The following NPAS3 variants were observed in gnomAD, a reference collection of about 807,000 sequenced individuals.
NPAS3 encodes neuronal PAS domain-containing protein 3.
NPAS3 carries 14 observed loss-of-function variants against 73.1 expected under a neutral mutation model. The observed-to-expected ratio is 0.19, with a 90% CI of 0.13 to 0.30. The LOEUF (loss-of-function observed/expected upper bound fraction) is 0.30. Among genes scored for constraint, NPAS3 ranks in the 10% least tolerant of loss-of-function variants. The pLI, the probability that NPAS3 is intolerant of heterozygous loss-of-function variation, is 1.00. For missense variants in NPAS3, 1,096 were observed against 1,250.0 expected (o/e 0.88, Z 1.86); for synonymous variants, 620 against 541.5 (o/e 1.14, Z -2.01).
chr14:33,092,025 G>A (rs943774532), intron 2 of NPAS3, among the ~76,000 whole-genome samples: 5 of 152,146 alleles, frequency 3.3e-5, no homozygotes, highest in Non-Finnish European at 7.4e-5. Flanking sequence ...TACTGAATGG[G>A]CAACAACTGG....
chr14:33,548,302 G>A (rs559794269), intron 4 of NPAS3, among the ~76,000 whole-genome samples: 6 of 152,272 alleles, frequency 3.9e-5, no homozygotes, highest in East Asian at 3.9e-4. Flanking sequence ...CAAATGTAGT[G>A]AATGGTGGAA....
chr14:33,082,490 A>G (rs558571423), intron 2 of NPAS3, among the ~76,000 whole-genome samples: 3 of 152,202 alleles, frequency 2.0e-5, no homozygotes, highest in Non-Finnish European at 4.4e-5. Flanking sequence ...ATATTCTGCC[A>G]CTACCATTGT....
At position 33,784,751 on chromosome 14, in the gene NPAS3, T is replaced by TATTTATTTATTTTTA. The variant is rs199829124; in HGVS notation, c.1153+6179_1153+6180insATTTATTTATTTTTA. On this transcript the variant is annotated intron_variant, in intron 9 of 11. Coordinates refer to ENST00000356141, the Ensembl canonical transcript of NPAS3. ...TTTATTTATTTATTTATTTATTTTT[T>TATTTATTTATTTTTA]TTTTTTTTTTTTTTTTGAGACAGAG... is the stretch of plus-strand genomic sequence containing the variant. 5.9e-3 allele frequency among the ~76,000 whole-genome samples: 679 copies of TATTTATTTATTTTTA among 114,800 alleles called. 11 individuals carry two copies. Among genetic ancestry groups the TATTTATTTATTTTTA allele is most frequent in the Admixed American group, 0.031 (364 of 11,718 alleles). The allele number at this position is 114,800 out of a possible 152,430, so 75.3% of individuals were successfully genotyped here.
At chr14:33,517,682 G>A (rs373415953) in intron 4 of NPAS3, among the ~76,000 whole-genome samples, 11 of 152,012 alleles carry the variant, frequency 7.2e-5, no homozygotes, top group South Asian at 6.2e-4. Context: ...TTGTGCTTTC[G>A]TCATGCCCCG....
chr14:33,024,168 GTGTA>G (rs1435227871), intron 1 of NPAS3, among the ~76,000 whole-genome samples: 3 of 144,744 alleles, frequency 2.1e-5, no homozygotes, highest in Non-Finnish European at 3.0e-5. Flanking sequence ...GTGTGTGTGT[GTGTA>G]TGTATATTCC....
rs540627878 is a variant in NPAS3, at chr14:32,943,517, A to G, written c.50+4151A>G. 1.2e-4 allele frequency among the ~76,000 whole-genome samples: 18 copies of G among 152,154 alleles called. No homozygotes were observed. The East Asian group carries it at 2.9e-3, about 24-fold the overall frequency. ...AGATCCTGGTCTGGGATTCAGTGCT[A>G]TGTTACAATTGTGTCTGTTTGAAGT... On this transcript the variant is annotated intron_variant, in intron 1 of 11. Coordinates refer to ENST00000356141, the Ensembl canonical transcript of NPAS3.
intron 7 of NPAS3, among the ~76,000 whole-genome samples, chr14:33,743,501 A>G (rs182626063): frequency 6.6e-6 from 1 of 152,310 alleles, no homozygotes; most frequent in Non-Finnish European, 1.5e-5. Flanking sequence ...TTCTATTTCT[A>G]AAGCATAGAC....
chr14:33,147,963 T>G (rs975850799), intron 2 of NPAS3, among the ~76,000 whole-genome samples: 2 of 151,940 alleles, frequency 1.3e-5, no homozygotes, highest in African/African-American at 4.8e-5. Context: ...AATTCAAACT[T>G]GGGCCATGGT....
At chr14:33,263,150 T>C (rs1478975996) in intron 3 of NPAS3, among the ~76,000 whole-genome samples, 1 of 152,244 alleles carries the variant, frequency 6.6e-6, no homozygotes, top group Non-Finnish European at 1.5e-5. Context: ...AATTTTGGCT[T>C]TTGTTGCCAT....
chr14:33,235,198 AG>A (rs1172485664), intron 3 of NPAS3, among the ~76,000 whole-genome samples: 1 of 152,076 alleles, frequency 6.6e-6, no homozygotes, highest in Non-Finnish European at 1.5e-5. Context: ...GATGCCTTTA[AG>A]CTTTATTAAT....
chr14:33,077,571 G>T (rs4517701), intron 2 of NPAS3, among the ~76,000 whole-genome samples: 99,658 of 151,892 alleles, frequency 0.66, 34,035 homozygotes, highest in South Asian at 0.78. Context: ...AAATTGCACC[G>T]TATCAAGAAT....
At chr14:33,751,620 C>T (rs1306323625) in intron 7 of NPAS3, among the ~76,000 whole-genome samples, 2 of 152,158 alleles carry the variant, frequency 1.3e-5, no homozygotes, top group African/African-American at 4.8e-5. Flanking sequence ...ATAAGCAAAA[C>T]CTACATTTCA....
intron 1 of NPAS3, among the ~76,000 whole-genome samples, chr14:33,006,213 G>A (rs959136703): frequency 5.9e-5 from 9 of 152,138 alleles, no homozygotes; most frequent in African/African-American, 2.2e-4. Context: ...GGCACTAGAG[G>A]AGGCAAAGCT....
chr14:33,088,537 C>T (rs960115324), intron 2 of NPAS3, among the ~76,000 whole-genome samples: 4 of 152,202 alleles, frequency 2.6e-5, no homozygotes, highest in African/African-American at 9.6e-5. Context: ...ACAAAGCGGC[C>T]AGGAAACTCG....
intron 3 of NPAS3, among the ~76,000 whole-genome samples, chr14:33,225,630 G>T (rs1001257285): frequency 6.6e-6 from 1 of 152,154 alleles, no homozygotes; most frequent in African/African-American, 2.4e-5. Context: ...TGTGGACATT[G>T]AAATCAAATT....
chr14:33,731,030 C>T (rs768498539), intron 6 of NPAS3, among the ~76,000 whole-genome samples: 2 of 152,156 alleles, frequency 1.3e-5, no homozygotes, highest in South Asian at 4.1e-4. Flanking sequence ...TGAGGAGTAA[C>T]ATTTCTCAAA....
At chr14:33,391,499 A>G (rs934913665) in intron 4 of NPAS3, among the ~76,000 whole-genome samples, 1 of 152,102 alleles carries the variant, frequency 6.6e-6, no homozygotes, top group Admixed American at 6.6e-5. Context: ...AGCTTGGCCC[A>G]TATCTTAATT....
At chr14:33,724,444 G>A (rs992206266) in intron 6 of NPAS3, among the ~76,000 whole-genome samples, 14 of 152,064 alleles carry the variant, frequency 9.2e-5, no homozygotes, top group Admixed American at 1.3e-4. Context: ...GACCAGCTTG[G>A]GCAACATGGT....
At chr14:33,657,280 C>A (rs942814510) in intron 5 of NPAS3, among the ~76,000 whole-genome samples, 3 of 152,088 alleles carry the variant, frequency 2.0e-5, no homozygotes, top group Non-Finnish European at 4.4e-5. Context: ...AACACAGGGT[C>A]CCAGAGAGGA....
Sources: allele counts gnomAD v4.1 joint callset (sites outside exome capture counted in the v4.1 genomes callset), GRCh38; gene constraint gnomAD v4.1.1; transcripts MANE v1.5; gene names NCBI Gene and HGNC (gene_info 2026-07-23, HGNC 2026-07-21).